Variants in CDK19 observed in about 807,000 individuals in gnomAD.
CDK19 encodes the protein cyclin-dependent kinase 19.
A neutral mutation model predicts 68.3 loss-of-function variants in CDK19; 20 were observed. That is an observed-to-expected ratio of 0.29 (90% CI 0.21 to 0.43). The LOEUF is 0.43. Among genes scored for constraint, CDK19 ranks in the 20% least tolerant of loss-of-function variants. CDK19 has a pLI of 1.00. For missense variants in CDK19, 339 were observed against 623.5 expected (o/e 0.54, Z 4.86); for synonymous variants, 221 against 222.8 (o/e 0.99, Z 0.07).
chr6:110,714,050 C>A (rs1244535549), intron 2 of CDK19, among the ~76,000 whole-genome samples: 1 of 152,148 alleles, frequency 6.6e-6, no homozygotes, highest in Non-Finnish European at 1.5e-5. Flanking sequence ...ATTTTTATCA[C>A]CCCCAAAAAG....
At chr6:110,648,538 C>CT (rs60624969) in intron 4 of CDK19, among the ~76,000 whole-genome samples, 17,900 of 120,170 alleles carry the variant, frequency 0.15, 1,623 homozygotes, top group South Asian at 0.3. Flanking sequence ...TTTTTCTTTT[C>CT]TTTTTTTTTT....
intron 8 of CDK19, 87 bp from the exon 9 acceptor site, chr6:110,623,449 A>G (rs556221530): frequency 7.7e-6 from 12 of 1,549,878 alleles, no homozygotes; most frequent in Admixed American, 5.6e-5. Flanking sequence ...TGGCTTTCCT[A>G]TAAGGTATGT....
chr6:110,618,490 T>C (rs993814248), intron 12 of CDK19, among the ~76,000 whole-genome samples: 9 of 152,212 alleles, frequency 5.9e-5, no homozygotes, highest in Non-Finnish European at 1.3e-4. Flanking sequence ...CTTTTCCCTC[T>C]GCAATAAATC....
chr6:110,632,284 C>T (rs1779488273), intron 5 of CDK19, 123 bp from the exon 6 acceptor site: 2 of 681,916 alleles, frequency 2.9e-6, no homozygotes, highest in Non-Finnish European at 2.4e-6. Context: ...ACAACAATAG[C>T]TGCTGACCTT....
chr6:110,778,301 C>T (rs957528845), intron 1 of CDK19, among the ~76,000 whole-genome samples: 1 of 152,182 alleles, frequency 6.6e-6, no homozygotes, highest in African/African-American at 2.4e-5. Context: ...TCATACTACA[C>T]ACTTTTTTAA....
chr6:110,692,576 T>G (rs905836435), intron 2 of CDK19, among the ~76,000 whole-genome samples: 3 of 152,160 alleles, frequency 2.0e-5, no homozygotes, highest in Non-Finnish European at 4.4e-5. Context: ...AGGGAATAAT[T>G]GAGGAAAACT....
At chr6:110,759,428 A>AAATATATATATAT in intron 1 of CDK19, among the ~76,000 whole-genome samples, 1 of 50,916 alleles carries the variant, frequency 2.0e-5, no homozygotes, top group South Asian at 7.5e-4. Context: ...AAAAAAAAAA[A>AAATATATATATAT]ATATATATAT....
At chr6:110,815,500 G>A (rs1583170985), upstream of CDK19, 1 of 174,718 alleles carries the variant, frequency 5.7e-6, no homozygotes, top group Non-Finnish European at 1.2e-5. Flanking sequence ...AGGCTCCTGG[G>A]AAATGAAGTC....
At chr6:110,645,844 T>G (rs1228004551) in intron 4 of CDK19, 4 of 629,872 alleles carry the variant, frequency 6.4e-6, no homozygotes, top group African/African-American at 1.8e-5. Flanking sequence ...CCGCGCTTCC[T>G]CCTGACCTTC....
At position 110,612,735 on chromosome 6, in the gene CDK19, G is replaced by C. The variant is rs1778091610; in HGVS notation, c.*1800C>G. On this transcript the variant is annotated 3_prime_UTR_variant, in exon 13 of 13. Coordinates refer to ENST00000368911, the MANE Select transcript of CDK19 (RefSeq NM_015076.5). ...TTTAAAAAATGGAAGGGGTAAAACA[G>C]CAGGAGACTATCAGAAACTCCTTCC... 6.6e-6 allele frequency: 1 copy of C among 152,580 alleles called. No individual in the cohort carries two copies. Among genetic ancestry groups the C allele is most frequent in the African/African-American group, 2.4e-5 (1 of 41,454 alleles). The allele number at this position is 152,580 out of a possible 1,614,324, so 9.5% of individuals were successfully genotyped here.
At chr6:110,664,523 C>G (rs985073772) in intron 4 of CDK19, among the ~76,000 whole-genome samples, 9 of 152,052 alleles carry the variant, frequency 5.9e-5, no homozygotes, top group Non-Finnish European at 5.9e-5. Flanking sequence ...TTTACACATA[C>G]AAGAAAACAA....
At chr6:110,768,140 A>C (rs1450925869) in intron 1 of CDK19, among the ~76,000 whole-genome samples, 1 of 152,262 alleles carries the variant, frequency 6.6e-6, no homozygotes, top group Admixed American at 6.5e-5. Context: ...AATAGGACAC[A>C]TGAAAAGATG....
intron 2 of CDK19, among the ~76,000 whole-genome samples, chr6:110,720,655 T>C (rs1775795704): frequency 1.3e-5 from 2 of 151,996 alleles, no homozygotes; most frequent in Non-Finnish European, 2.9e-5. Context: ...TTACCTGAGG[T>C]CAGGAATTCG....
intron 4 of CDK19, among the ~76,000 whole-genome samples, chr6:110,661,866 A>G (rs1781637625): frequency 6.6e-6 from 1 of 152,250 alleles, no homozygotes; most frequent in Non-Finnish European, 1.5e-5. Flanking sequence ...TGCAGATCAT[A>G]TACTTATTTG....
intron 2 of CDK19, among the ~76,000 whole-genome samples, chr6:110,711,267 G>T (rs1774919268): frequency 1.3e-5 from 2 of 151,964 alleles, no homozygotes; most frequent in Admixed American, 1.3e-4. Context: ...TGTAGAGAGG[G>T]GTTAACAAAG....
In CDK19 at chr6:110,740,041, G is replaced by A. The variant is rs563649595; in HGVS notation, c.204+6085C>T. ...TATTCCAGATTAAATTATATTTCATGAAAATTAATGGACTCTCTGCTCTTG... is the reference window on the plus strand; with the variant it reads ...TATTCCAGATTAAATTATATTTCATAAAAATTAATGGACTCTCTGCTCTTG... On this transcript the variant is annotated intron_variant, in intron 2 of 12. Coordinates refer to ENST00000368911, the MANE Select transcript of CDK19 (RefSeq NM_015076.5). Among the ~76,000 whole-genome samples the A allele has an allele frequency of 1.1e-4, 17 of 152,036 alleles. No individual in the cohort carries two copies. In the South Asian group the frequency reaches 3.5e-3, roughly 32 times the overall value.
At chr6:110,620,393 C>A (rs1163737550) in intron 12 of CDK19, among the ~76,000 whole-genome samples, 1 of 149,636 alleles carries the variant, frequency 6.7e-6, no homozygotes, top group Non-Finnish European at 1.5e-5. Flanking sequence ...AACAAAAAAA[C>A]AAACAAACAA....
intron 1 of CDK19, among the ~76,000 whole-genome samples, chr6:110,754,606 A>G (rs754994003): frequency 5.3e-4 from 81 of 152,030 alleles, no homozygotes; most frequent in Non-Finnish European, 7.6e-4. Context: ...CAGCCTCCCA[A>G]GTAGCTGGGA....
chr6:110,797,123 C>T (rs376006523), intron 1 of CDK19, among the ~76,000 whole-genome samples: 69 of 151,664 alleles, frequency 4.5e-4, no homozygotes, highest in Middle Eastern at 3.5e-3. Flanking sequence ...GGGTGGATCA[C>T]GAGGTCAGGA....
Sources: gnomAD v4.1 joint callset for allele counts (sites outside exome capture counted in the v4.1 genomes callset) on GRCh38, gnomAD v4.1.1 for gene constraint, MANE v1.5 for transcripts, NCBI Gene and HGNC (gene_info 2026-07-23, HGNC 2026-07-21) for gene names.